Variants in SLC13A3 observed in about 807,000 individuals in gnomAD.
SLC13A3 encodes solute carrier family 13 member 3.
Under a neutral mutation model 59.0 loss-of-function variants are expected in SLC13A3, and 40 were observed. The observed-to-expected ratio is 0.68, with a 90% CI of 0.53 to 0.88. The LOEUF (loss-of-function observed/expected upper bound fraction) is 0.88. Among genes scored for constraint, SLC13A3 ranks in the 40% least tolerant of loss-of-function variants. SLC13A3 has a pLI of 0.00. For missense variants in SLC13A3, 699 were observed against 783.2 expected (o/e 0.89, Z 1.28); for synonymous variants, 317 against 330.3 (o/e 0.96, Z 0.44).
chr20:46,661,022 C>A lies in SLC13A3; in HGVS notation c.-31+9021G>T, dbSNP rs116759305. 9.7e-4 allele frequency among the ~76,000 whole-genome samples: 147 copies of A among 152,266 alleles called. 1 individual carries two copies. Among genetic ancestry groups the A allele is most frequent in the African/African-American group, 3.5e-3 (144 of 41,548 alleles). On this transcript the variant is annotated intron_variant, in intron 1 of 12. Coordinates refer to the SLC13A3 transcript ENST00000290317. ...TGCTGAAGTTTTCCATTTGTTTATG[C>A]ATGTTGTTCTTTAGATTCTTTCATT... is the stretch of plus-strand genomic sequence containing the variant.
chr20:46,634,696 T>G lies in SLC13A3; in HGVS notation c.111+16615A>C, dbSNP rs190096847. On this transcript the variant is annotated intron_variant, in intron 1 of 12. Transcript: ENST00000279027. ...ATTCACGAGCCAGACAGGAGGGTGG[T>G]TGTGGGGGTGTGCCCTGGATGCAGG... 1.5e-3 allele frequency among the ~76,000 whole-genome samples: 224 copies of G among 152,236 alleles called. 2 individuals carry two copies. The highest frequency in any genetic ancestry group is 5.1e-3 in the African/African-American group (211 of 41,546).
rs1157237183 is a variant in SLC13A3 at position 46,588,093 on chromosome 20, A to G, written c.1087T>C (p.Phe363Leu). The change falls in exon 8 of 13, where the codon TTC (phenylalanine) becomes CTC (leucine). Residue 363 changes from phenylalanine (F) to leucine (L), a missense_variant. By Grantham distance (22) the Phe-to-Leu change is conservative (BLOSUM62 0). Transcript: ENST00000279027. ...AILLFTRDPK[F>L]IPGWASLFNP... ...AAGAGGCTGGCCCAGCCAGGGATGAACTTCGGGTCCCGGGTGAAGAGGAGG... is the reference window on the plus strand; with the variant it reads ...AAGAGGCTGGCCCAGCCAGGGATGAGCTTCGGGTCCCGGGTGAAGAGGAGG... 1 of 1,612,684 alleles carries G rather than the reference A, an allele frequency of 6.2e-7. No individual in the cohort carries two copies. The highest frequency in any genetic ancestry group is 2.2e-5 in the East Asian group (1 of 44,750).
chr20:46,583,188 C>A (rs2062155898), intron 9 of SLC13A3: 2 of 694,798 alleles, frequency 2.9e-6, no homozygotes, highest in South Asian at 1.3e-4. Flanking sequence ...AAATAAATTT[C>A]CACAAATTCC....
upstream of SLC13A3, among the ~76,000 whole-genome samples, chr20:46,674,602 C>CGTGTGTGTGTGTGTGTGT (rs142752461): frequency 8.7e-6 from 1 of 114,414 alleles, no homozygotes. Flanking sequence ...CGCGCGCGCG[C>CGTGTGTGTGTGTGTGTGT]GCGTGTGTGT....
chr20:46,566,477 C>A (rs763971822), intron 10 of SLC13A3, 87 bp from the exon 11 acceptor site: 15 of 1,433,326 alleles, frequency 1.0e-5, no homozygotes, highest in Middle Eastern at 1.8e-4. Context: ...ACAACAATGA[C>A]GACCATACCC....
chr20:46,655,923 G>GTA (rs2062984636), upstream of SLC13A3, among the ~76,000 whole-genome samples: 1 of 135,458 alleles, frequency 7.4e-6, no homozygotes. Context: ...TTATATATAC[G>GTA]TATATAATAT....
chr20:46,655,027 A>C (rs906561936), upstream of SLC13A3, among the ~76,000 whole-genome samples: 3 of 152,016 alleles, frequency 2.0e-5, no homozygotes, highest in African/African-American at 7.2e-5. Context: ...GAAAAATCTG[A>C]TATCATTTGA....
chr20:46,614,089 G>T (rs1782122335), intron 1 of SLC13A3, among the ~76,000 whole-genome samples: 1 of 152,208 alleles, frequency 6.6e-6, no homozygotes, highest in South Asian at 2.1e-4. Flanking sequence ...GGAGGTTCTG[G>T]AAGGACAATG....
At chr20:46,651,582 C>A, upstream of SLC13A3, 4 of 1,294,594 alleles carry the variant, frequency 3.1e-6, no homozygotes, top group Non-Finnish European at 2.0e-6. Context: ...GCCCCTGGGA[C>A]CGGGTGAAAG....
At chr20:46,596,014 C>A in intron 5 of SLC13A3, 143 bp downstream of exon 5, 1 of 682,470 alleles carries the variant, frequency 1.5e-6, no homozygotes, top group Non-Finnish European at 2.4e-6. Context: ...GGGCAGGGAT[C>A]TCACTGGATT....
chr20:46,652,061 G>C (rs1381347485), upstream of SLC13A3, among the ~76,000 whole-genome samples: 1 of 152,168 alleles, frequency 6.6e-6, no homozygotes, highest in Non-Finnish European at 1.5e-5. Flanking sequence ...CACATAGAGG[G>C]GAACAACTGA....
At chr20:46,654,064 C>T (rs752589243), upstream of SLC13A3, among the ~76,000 whole-genome samples, 7 of 152,112 alleles carry the variant, frequency 4.6e-5, no homozygotes, top group East Asian at 1.9e-4. Context: ...TACATTCCCA[C>T]GATGTGCAAG....
intron 1 of SLC13A3, among the ~76,000 whole-genome samples, chr20:46,669,552 T>G (rs903072186): frequency 8.5e-5 from 13 of 152,154 alleles, no homozygotes; most frequent in African/African-American, 3.1e-4. Context: ...AAGCCTGCCA[T>G]CATGCTCACC....
intron 10 of SLC13A3, among the ~76,000 whole-genome samples, chr20:46,570,307 G>A (rs912759502): frequency 6.6e-6 from 1 of 152,210 alleles, no homozygotes; most frequent in Non-Finnish European, 1.5e-5. Context: ...TAAGTAATTT[G>A]TAAATATTAC....
intron 1 of SLC13A3, among the ~76,000 whole-genome samples, chr20:46,680,746 G>A (rs114736171): frequency 0.014 from 2,071 of 152,250 alleles, 41 homozygotes; most frequent in African/African-American, 0.047. Context: ...CCCTCTGCCC[G>A]CTCCTGTGTA....
chr20:46,623,687 TA>T, intron 1 of SLC13A3, among the ~76,000 whole-genome samples: 1 of 152,360 alleles, frequency 6.6e-6, no homozygotes, highest in Admixed American at 6.5e-5. Context: ...TTCTAATTTT[TA>T]AACTCTTCTC....
At chr20:46,575,516 C>T in intron 10 of SLC13A3, 57 bp downstream of exon 10, 1 of 1,051,950 alleles carries the variant, frequency 9.5e-7, no homozygotes, top group Non-Finnish European at 1.4e-6. Context: ...AGCACTGGGA[C>T]CCGCCCACAC....
chr20:46,617,611 T>TGTGC (rs11472074), intron 1 of SLC13A3, among the ~76,000 whole-genome samples: 32,208 of 116,116 alleles, frequency 0.28, 3,632 homozygotes, highest in East Asian at 0.5. Context: ...TGTGTGTGCG[T>TGTGC]GTGTGTGTGT....
intron 1 of SLC13A3, among the ~76,000 whole-genome samples, chr20:46,662,372 A>G (rs1020202502): frequency 6.6e-6 from 1 of 152,250 alleles, no homozygotes; most frequent in African/African-American, 2.4e-5. Flanking sequence ...TAATAATGCC[A>G]TCAGACATTG....
Sources: allele counts gnomAD v4.1 joint callset (sites outside exome capture counted in the v4.1 genomes callset), GRCh38; gene constraint gnomAD v4.1.1; transcripts MANE v1.5; gene names NCBI Gene and HGNC (gene_info 2026-07-23, HGNC 2026-07-21).